The following CLSTN2 variants were observed in gnomAD, a reference collection of about 807,000 sequenced individuals.
The protein encoded by CLSTN2 is calsyntenin 2.
CLSTN2 carries 48 observed loss-of-function variants against 101.2 expected under a neutral mutation model. That is an observed-to-expected ratio of 0.47 (90% CI 0.38 to 0.60). The LOEUF is 0.60. Among genes scored for constraint, CLSTN2 ranks in the 20% least tolerant of loss-of-function variants. The pLI is 0.00. For synonymous variants in CLSTN2, 481 were observed against 463.6 expected (o/e 1.04, Z -0.48); for missense variants, 1,160 against 1,238.2 (o/e 0.94, Z 0.95).
At chr3:140,552,703 C>A (rs1434914908) in intron 10 of CLSTN2, among the ~76,000 whole-genome samples, 1 of 152,212 alleles carries the variant, frequency 6.6e-6, no homozygotes, top group African/African-American at 2.4e-5. Flanking sequence ...CCAACCTCCA[C>A]TGCAGACCTA....
intron 1 of CLSTN2, among the ~76,000 whole-genome samples, chr3:139,948,586 G>A (rs1935247061): frequency 6.6e-6 from 1 of 152,160 alleles, no homozygotes; most frequent in Non-Finnish European, 1.5e-5. Context: ...TTCTTATATA[G>A]GAGGCCATTT....
At chr3:140,285,176 C>T (rs1438654085) in intron 2 of CLSTN2, among the ~76,000 whole-genome samples, 4 of 152,054 alleles carry the variant, frequency 2.6e-5, no homozygotes, top group African/African-American at 9.7e-5. Flanking sequence ...CTGTGCTGTT[C>T]AATATTCTGT....
chr3:139,958,237 G>A (rs564477383), intron 1 of CLSTN2, among the ~76,000 whole-genome samples: 99 of 152,224 alleles, frequency 6.5e-4, no homozygotes, highest in Non-Finnish European at 1.1e-3. Context: ...TTGCCCCATT[G>A]TGATGTCTCC....
chr3:139,998,139 G>A (rs1192565225), intron 1 of CLSTN2, among the ~76,000 whole-genome samples: 1 of 152,016 alleles, frequency 6.6e-6, no homozygotes. Flanking sequence ...GTCTTCTAGT[G>A]CAGTGTTGGT....
chr3:140,225,919 A>ATTTT (rs1559811611), intron 2 of CLSTN2, among the ~76,000 whole-genome samples: 2 of 143,584 alleles, frequency 1.4e-5, no homozygotes, highest in African/African-American at 5.9e-5. Flanking sequence ...ATTTTTTTTA[A>ATTTT]AAAAAAAAGG....
At chr3:140,520,778 C>T (rs185304553) in intron 8 of CLSTN2, among the ~76,000 whole-genome samples, 141 of 152,270 alleles carry the variant, frequency 9.3e-4, no homozygotes, top group Non-Finnish European at 1.2e-3. Flanking sequence ...CCATTCTCCC[C>T]GTCCCTTTCA....
chr3:140,178,735 G>C (rs770450322), intron 2 of CLSTN2, among the ~76,000 whole-genome samples: 1 of 152,116 alleles, frequency 6.6e-6, no homozygotes, highest in Non-Finnish European at 1.5e-5. Flanking sequence ...AGAAAATACC[G>C]AAGATTTATT....
chr3:140,259,027 C>A (rs2086626986), intron 2 of CLSTN2, among the ~76,000 whole-genome samples: 1 of 152,080 alleles, frequency 6.6e-6, no homozygotes, highest in African/African-American at 2.4e-5. Context: ...GTAAAACATG[C>A]CAAGTTTGGT....
At chr3:140,028,564 A>G (rs1177283579) in intron 1 of CLSTN2, among the ~76,000 whole-genome samples, 2 of 152,198 alleles carry the variant, frequency 1.3e-5, no homozygotes, top group East Asian at 3.9e-4. Context: ...CGATCGGAAA[A>G]GGAATTTGGG....
At chr3:140,390,872 T>G (rs986361089) in intron 2 of CLSTN2, among the ~76,000 whole-genome samples, 2 of 152,260 alleles carry the variant, frequency 1.3e-5, no homozygotes, top group Non-Finnish European at 2.9e-5. Flanking sequence ...AAGTTTGAAC[T>G]GTATCCTGGA....
intron 2 of CLSTN2, among the ~76,000 whole-genome samples, chr3:140,233,959 C>T (rs1329484252): frequency 6.6e-5 from 10 of 152,178 alleles, no homozygotes; most frequent in African/African-American, 2.4e-4. Flanking sequence ...TTTCTCACGC[C>T]ACAGTGGCAG....
intron 1 of CLSTN2, among the ~76,000 whole-genome samples, chr3:140,077,701 A>T (rs556137173): frequency 4.1e-4 from 62 of 152,146 alleles, no homozygotes; most frequent in African/African-American, 1.4e-3. Context: ...GAAAAAAAAA[A>T]AACCTCAAAC....
At chr3:140,403,968 C>G in intron 3 of CLSTN2, 144 bp downstream of exon 3, 1 of 642,404 alleles carries the variant, frequency 1.6e-6, no homozygotes, top group Non-Finnish European at 2.7e-6. Context: ...GTTTCCTGGT[C>G]CCATGCAGGC....
chr3:139,977,222 T>G (rs761562526), intron 1 of CLSTN2, among the ~76,000 whole-genome samples: 6 of 152,098 alleles, frequency 3.9e-5, no homozygotes, highest in Non-Finnish European at 8.8e-5. Flanking sequence ...AGGAGCTGGC[T>G]GGGAAATGCT....
chr3:140,129,167 AC>A (rs2009483189), intron 1 of CLSTN2, among the ~76,000 whole-genome samples: 1 of 48,216 alleles, frequency 2.1e-5, no homozygotes, highest in Non-Finnish European at 4.6e-5. Context: ...GATTCCTACC[AC>A]TTTTTTTTTT....
chr3:140,090,976 G>C (rs1265617252), intron 1 of CLSTN2, among the ~76,000 whole-genome samples: 2 of 152,124 alleles, frequency 1.3e-5, no homozygotes, highest in African/African-American at 4.8e-5. Flanking sequence ...CTGGTGATGG[G>C]TAGAGGAGTT....
At chr3:140,005,046 G>T (rs959129115) in intron 1 of CLSTN2, among the ~76,000 whole-genome samples, 30 of 152,182 alleles carry the variant, frequency 2.0e-4, no homozygotes, top group Admixed American at 6.5e-4. Context: ...AAGAGTGGTG[G>T]TCTGTGGCTA....
intron 4 of CLSTN2, among the ~76,000 whole-genome samples, chr3:140,419,331 A>T (rs1222647302): frequency 6.7e-6 from 1 of 148,814 alleles, no homozygotes; most frequent in Non-Finnish European, 1.5e-5. Flanking sequence ...AAAAACACAA[A>T]AATTAGCCAG....
chr3:140,364,860 G>A lies in CLSTN2; in HGVS notation c.233-38769G>A, dbSNP rs904283342. On this transcript the variant is annotated intron_variant, in intron 2 of 16. Coordinates refer to ENST00000458420, the MANE Select transcript of CLSTN2 (RefSeq NM_022131.3). ...GTCCAGTCCTTACAGTGGGCATTGG[G>A]CACACATTAGAATCACAGTGGTGAA... 5.7e-4 allele frequency among the ~76,000 whole-genome samples: 87 copies of A among 152,214 alleles called. 1 individual carries two copies. Among genetic ancestry groups the A allele is most frequent in the Non-Finnish European group, 1.3e-4 (9 of 68,046 alleles).
Sources: gnomAD v4.1 joint callset for allele counts (sites outside exome capture counted in the v4.1 genomes callset) on GRCh38, gnomAD v4.1.1 for gene constraint, MANE v1.5 for transcripts, NCBI Gene and HGNC (gene_info 2026-07-23, HGNC 2026-07-21) for gene names.